Variants in CNOT10 observed in about 807,000 individuals in gnomAD.
CNOT10 encodes CCR4-NOT transcription complex subunit 10, also known as CCR4-NOT transcription complex, subunit 10.
CNOT10 carries 30 observed loss-of-function variants against 94.6 expected under a neutral mutation model. The ratio of observed to expected loss-of-function variants is 0.32; its 90% CI spans 0.24 to 0.43. CNOT10 has a LOEUF of 0.43. Ranked by LOEUF, CNOT10 falls within the 20% of genes least tolerant of loss-of-function variation. The probability of loss-of-function intolerance (pLI) is 1.00; values close to 1 mark genes in which losing one functional copy is unlikely to be tolerated. For synonymous variants in CNOT10, 289 were observed against 301.6 expected (o/e 0.96, Z 0.43); for missense variants, 759 against 877.2 (o/e 0.87, Z 1.70).
At chr3:32,768,301 G>A (rs1700735932) in intron 17 of CNOT10, among the ~76,000 whole-genome samples, 1 of 152,124 alleles carries the variant, frequency 6.6e-6, no homozygotes, top group Non-Finnish European at 1.5e-5. Context: ...CACAAAATGG[G>A]CCGGGCACAG....
intron 13 of CNOT10, among the ~76,000 whole-genome samples, chr3:32,751,920 G>T (rs929709596): frequency 6.6e-6 from 1 of 152,100 alleles, no homozygotes; most frequent in African/African-American, 2.4e-5. Flanking sequence ...TTGTGTTCAC[G>T]TTGGCATGAT....
intron 10 of CNOT10, among the ~76,000 whole-genome samples, chr3:32,731,702 C>A (rs777006507): frequency 9.2e-5 from 14 of 152,126 alleles, no homozygotes; most frequent in Non-Finnish European, 1.8e-4. Context: ...GTCTCAAGTT[C>A]CTGGGCTCTA....
chr3:32,757,156 T>C (rs934457287), intron 13 of CNOT10, among the ~76,000 whole-genome samples: 1 of 139,344 alleles, frequency 7.2e-6, no homozygotes, highest in Non-Finnish European at 1.5e-5. Context: ...GTCATTCACA[T>C]AGGCCCTGAA....
intron 1 of CNOT10, among the ~76,000 whole-genome samples, chr3:32,698,590 G>A (rs1168280158): frequency 6.6e-6 from 1 of 152,080 alleles, no homozygotes; most frequent in Non-Finnish European, 1.5e-5. Context: ...GGGGAAGGGA[G>A]CTATATTTAT....
Position 32,762,875 on chromosome 3 carries a change from C to T in CNOT10, c.1840+12C>T, listed in dbSNP as rs762356825. On this transcript the variant is annotated intron_variant, in intron 15 of 18. Transcript: ENST00000328834. ...TGAGCAGGACCAAGGTTAATGAGGA[C>T]ATCTTTGATCAGAACTGGTCACTGT... 6.6e-7 allele frequency: 1 copy of T among 1,524,358 alleles called. No homozygotes were observed. The highest frequency in any genetic ancestry group is 1.4e-5 in the African/African-American group (1 of 69,298). 94.4% of individuals were successfully genotyped at this position (1,524,358 alleles called of 1,614,324 possible). A position where few individuals can be genotyped will look rare whatever the true frequency, so the allele number is the denominator to read the frequency against.
At chr3:32,734,697 G>A (rs1448795093) in intron 11 of CNOT10, 103 bp from the exon 12 acceptor site, 1 of 954,928 alleles carries the variant, frequency 1.0e-6, no homozygotes, top group South Asian at 2.1e-5. Flanking sequence ...CTATCAAAAG[G>A]CATAGCTTTC....
At chr3:32,733,147 G>T (rs1280733226) in intron 10 of CNOT10, among the ~76,000 whole-genome samples, 1 of 152,078 alleles carries the variant, frequency 6.6e-6, no homozygotes, top group African/African-American at 2.4e-5. Flanking sequence ...CTAAGTAAAT[G>T]ATTCTAAATA....
At chr3:32,716,337 A>G (rs887257032) in intron 6 of CNOT10, 26 bp downstream of exon 6, 1 of 1,064,082 alleles carries the variant, frequency 9.4e-7, no homozygotes, top group Non-Finnish European at 1.4e-6. Context: ...AAGGGGGGCA[A>G]TACATCACAT....
At chr3:32,711,956 G>A in intron 4 of CNOT10, among the ~76,000 whole-genome samples, 1 of 152,202 alleles carries the variant, frequency 6.6e-6, no homozygotes, top group Non-Finnish European at 1.5e-5. Context: ...CTCTTTAAAG[G>A]CTTTTGAAAT....
chr3:32,773,725 A>G lies in CNOT10; in HGVS notation c.*114A>G, dbSNP rs79302092. The G allele has an allele frequency of 5.6e-3, 6,368 of 1,134,732 alleles. 284 individuals carry two copies. The African/African-American group carries it at 0.087, about 16-fold the overall frequency. 70.3% of individuals were successfully genotyped at this position (1,134,732 alleles called of 1,614,324 possible). A position where few individuals can be genotyped will look rare whatever the true frequency, so the allele number is the denominator to read the frequency against. On this transcript the variant is annotated 3_prime_UTR_variant, in exon 19 of 19. Coordinates refer to ENST00000328834, the MANE Select transcript of CNOT10 (RefSeq NM_015442.3). ...GGTGAAGGCTGTTAATTTTGAGTCAATTCTACCCCTGACATTTGGCCAAAA... is the reference window on the plus strand; with the variant it reads ...GGTGAAGGCTGTTAATTTTGAGTCAGTTCTACCCCTGACATTTGGCCAAAA...
At chr3:32,721,809 G>A (rs2125552769) in intron 8 of CNOT10, among the ~76,000 whole-genome samples, 1 of 151,578 alleles carries the variant, frequency 6.6e-6, no homozygotes, top group Admixed American at 6.6e-5. Flanking sequence ...ACCGCGCCCG[G>A]CTAATTTTTT....
At chr3:32,688,847 C>A (rs1696732133) in intron 1 of CNOT10, among the ~76,000 whole-genome samples, 1 of 151,994 alleles carries the variant, frequency 6.6e-6, no homozygotes, top group South Asian at 2.1e-4. Context: ...CCTAGGAGTT[C>A]AAGGCTGCAG....
intron 1 of CNOT10, among the ~76,000 whole-genome samples, chr3:32,690,711 T>C (rs1440579124): frequency 6.6e-6 from 1 of 151,966 alleles, no homozygotes; most frequent in Non-Finnish European, 1.5e-5. Context: ...CATGCCCGGC[T>C]AGTTTTTTTG....
intron 14 of CNOT10, 34 bp downstream of exon 14, chr3:32,759,605 C>A: frequency 6.7e-7 from 1 of 1,494,808 alleles, no homozygotes; most frequent in South Asian, 1.1e-5. Flanking sequence ...TCCCTGGTTT[C>A]TTTAGTTTTG....
chr3:32,718,476 C>T (rs1007254304), intron 7 of CNOT10, among the ~76,000 whole-genome samples: 5 of 138,286 alleles, frequency 3.6e-5, no homozygotes, highest in African/African-American at 5.4e-5. Flanking sequence ...CCCAGCTACT[C>T]GGGAGGCTGA....
chr3:32,750,082 G>A (rs1005624266), intron 13 of CNOT10, among the ~76,000 whole-genome samples: 4 of 152,128 alleles, frequency 2.6e-5, no homozygotes, highest in East Asian at 1.9e-4. Flanking sequence ...ATGATAGCGC[G>A]TGCCTGTATT....
At chr3:32,752,479 GCTGCCCAGGATAAGA>G (rs1389204102) in intron 13 of CNOT10, among the ~76,000 whole-genome samples, 1 of 152,120 alleles carries the variant, frequency 6.6e-6, no homozygotes, top group Non-Finnish European at 1.5e-5. Flanking sequence ...TATTTTATTT[GCTGCCCAGGATAAGA>G]CTGGGTTCTT....
chr3:32,709,604 A>G (rs1377058669), intron 4 of CNOT10, among the ~76,000 whole-genome samples: 2 of 152,112 alleles, frequency 1.3e-5, no homozygotes, highest in African/African-American at 2.4e-5. Flanking sequence ...ACAGCTGATT[A>G]CTATGGCTCC....
chr3:32,687,074 A>G (rs1696631277), intron 1 of CNOT10, among the ~76,000 whole-genome samples: 2 of 152,168 alleles, frequency 1.3e-5, no homozygotes, highest in African/African-American at 2.4e-5. Flanking sequence ...TTTATAGGCC[A>G]TATTGAAGGA....
Sources: gnomAD v4.1 joint callset for allele counts (sites outside exome capture counted in the v4.1 genomes callset) on GRCh38, gnomAD v4.1.1 for gene constraint, MANE v1.5 for transcripts, NCBI Gene and HGNC (gene_info 2026-07-23, HGNC 2026-07-21) for gene names.